The following ZNF750 variants were observed in gnomAD, a reference collection of about 807,000 sequenced individuals.
ZNF750 encodes the protein protein ZNF750.
ZNF750 carries 10 observed loss-of-function variants against 31.6 expected under a neutral mutation model. The observed-to-expected ratio is 0.32, with a 90% CI of 0.19 to 0.54. The LOEUF (loss-of-function observed/expected upper bound fraction) is 0.54. ZNF750 is among the 20% of genes least tolerant of loss of function. The pLI is 0.95. For missense variants in ZNF750, 914 were observed against 934.9 expected (o/e 0.98, Z 0.29); for synonymous variants, 400 against 404.9 (o/e 0.99, Z 0.15).
chr17:82,830,779 C>T lies in ZNF750; in HGVS notation c.1535G>A (p.Gly512Asp), dbSNP rs745890516. 3 of 1,613,610 alleles carry T rather than the reference C, an allele frequency of 1.9e-6. No homozygotes were observed. In the African/African-American group the frequency reaches 4.0e-5, roughly 22 times the overall value. ...PSSPDDSSGM[G>D]PLNLSKKSEI... is the part of the protein sequence containing the mutation. ...TGATTTCTTGGAGAGGTTGAGGGGG[C>T]CCATCCCGGAGCTGTCGTCCGGACT... Residue 512 changes from glycine to aspartate, a missense_variant, in exon 3 of 3, where the codon GGC (glycine) becomes GAC (aspartate). Coordinates refer to ENST00000269394, the MANE Select transcript of ZNF750 (RefSeq NM_024702.3).
Position 82,830,403 on chromosome 17 carries a change from G to C in ZNF750, c.1911C>G (p.Ala637=), listed in dbSNP as rs370365856. The change falls in exon 3 of 3, where the codon GCC becomes GCG. Residue 637 remains alanine (A), a synonymous_variant. Transcript: ENST00000269394. ...SEEQKQTAAV[A]LCQLAAYSPR... The stretch of plus-strand genomic sequence containing the variant: ...GGCTGTAGGCCGCCAGCTGGCACAG[G>C]GCCACGGCTGCCGTCTGCTTCTGCT... 6.2e-7 allele frequency: 1 copy of C among 1,611,778 alleles called. No homozygotes were observed. Among genetic ancestry groups the C allele is most frequent in the Non-Finnish European group, 8.5e-7 (1 of 1,179,946 alleles).
At position 82,832,627 on chromosome 17, in the gene ZNF750, C is replaced by T. The variant is rs149771609; in HGVS notation, c.-173G>A. 9.9e-4 allele frequency: 653 copies of T among 658,664 alleles called. 1 individual carries two copies. The African/African-American group carries it at 0.01, about 10-fold the overall frequency. 40.8% of individuals were successfully genotyped at this position (658,664 alleles called of 1,614,324 possible). A position where few individuals can be genotyped will look rare whatever the true frequency, so the allele number is the denominator to read the frequency against. On this transcript the variant is annotated 5_prime_UTR_variant, in exon 2 of 3. Transcript: ENST00000269394. The surrounding 1 kb of genome is among the most constrained non-coding windows in gnomAD (Gnocchi z 4.9). ...TCTGGCGAGAGCCTCCGTCATCTGGCGGCTGGGAGCTGTAATAAAGAGCAG... is the reference window on the plus strand; with the variant it reads ...TCTGGCGAGAGCCTCCGTCATCTGGTGGCTGGGAGCTGTAATAAAGAGCAG...
In ZNF750 at chr17:82,832,547, G is replaced by A. The variant is rs1050654595; in HGVS notation, c.-93C>T. On this transcript the variant is annotated 5_prime_UTR_variant, in exon 2 of 3. Coordinates refer to ENST00000269394, the MANE Select transcript of ZNF750 (RefSeq NM_024702.3). This position sits in a 1 kb window ranked among gnomAD's most constrained non-coding sequence, Gnocchi z 4.9. ...CGTGGTTTCTAAAGAGGCACCTCCC[G>A]CTTTGCTTTCTTTCCCGATCACTTC... 6 of 1,158,108 alleles carry A rather than the reference G, an allele frequency of 5.2e-6. No homozygotes were observed. The East Asian group carries it at 9.5e-5, about 18-fold the overall frequency. 71.7% of individuals were successfully genotyped at this position (1,158,108 alleles called of 1,614,324 possible).
At chr17:82,830,927 C>T in intron 2 of ZNF750, 50 bp from the exon 3 acceptor site, 1 of 1,613,204 alleles carries the variant, frequency 6.2e-7, no homozygotes. Context: ...AGAAAAGCAA[C>T]TGCGTGAAGC....
chr17:82,832,477 CTG>C lies in ZNF750; in HGVS notation c.-25_-24del. The C allele has an allele frequency of 3.1e-6, 5 of 1,600,066 alleles. No homozygotes were observed. The highest frequency in any genetic ancestry group is 4.3e-6 in the Non-Finnish European group (5 of 1,175,630). The stretch of plus-strand genomic sequence containing the variant: ...CATTTTCCTCCTTATGCCTTGGACT[CTG>C]GCTGTCCAGGTGGCGTGATCACTGT... On this transcript the variant is annotated 5_prime_UTR_variant, in exon 2 of 3. Transcript: ENST00000269394. The surrounding 1 kb of genome is among the most constrained non-coding windows in gnomAD (Gnocchi z 4.9).
intron 1 of ZNF750, among the ~76,000 whole-genome samples, chr17:82,838,196 A>G (rs1306029950): frequency 6.6e-6 from 1 of 152,224 alleles, no homozygotes. Flanking sequence ...TAAATTGCCA[A>G]TATACTGTCT....
At position 82,831,023 on chromosome 17, in the gene ZNF750, C is replaced by T. The variant is rs76229161; in HGVS notation, c.1432G>A (p.Val478Ile). ...TTGAAAATGACATTTTCTTACCTTA[C>T]TGGAGACTCTGCTGTGGTCTCAGCA... Reference protein sequence around the residue: ...QAAETTAESPVSLNVVNGDPP... With the variant: ...QAAETTAESPISLNVVNGDPP... Residue 478 changes from valine to isoleucine, a missense_variant, in exon 2 of 3, where the codon GTA (valine) becomes ATA (isoleucine). Val to Ile is a conservative substitution (Grantham distance 29). Coordinates refer to ENST00000269394, the MANE Select transcript of ZNF750 (RefSeq NM_024702.3). This position sits in a 1 kb window ranked among gnomAD's most constrained non-coding sequence, Gnocchi z 4.6. The T allele has an allele frequency of 5.2e-3, 8,440 of 1,614,118 alleles. 399 individuals carry two copies. The African/African-American group carries it at 0.098, about 19-fold the overall frequency.
Position 82,830,319 on chromosome 17 carries a change from T to C in ZNF750, c.1995A>G (p.Gln665=), listed in dbSNP as rs1200793480. 1.9e-6 allele frequency: 3 copies of C among 1,614,056 alleles called. No homozygotes were observed. The highest frequency in any genetic ancestry group is 1.1e-5 in the South Asian group (1 of 91,092). ...CCATGGAGCTCAGTGTGGGTGTGTC[T>C]TGCCGGCAGGCAGGTTCCGGGGCCG... ...DAAAPEPACR[Q]DTPTLSSMES... Residue 665 remains glutamine (Q), a synonymous_variant, in exon 3 of 3, where the codon CAA becomes CAG. Transcript: ENST00000269394.
rs569573654 is a variant in ZNF750 at position 82,837,906 on chromosome 17, C to T, written c.-183+2021G>A. On this transcript the variant is annotated intron_variant, in intron 1 of 2. Transcript: ENST00000269394. ...TGTAGACAGTGTCTACACTAAAGGG[C>T]GTAAGAACAGTGGGGTGCAGTGGCT... 4.6e-5 allele frequency among the ~76,000 whole-genome samples: 7 copies of T among 152,328 alleles called. No homozygotes were observed. In the South Asian group the frequency reaches 1.2e-3, roughly 27 times the overall value.
At position 82,833,431 on chromosome 17, in the gene ZNF750, C is replaced by T. The variant is rs2145303661; in HGVS notation, c.-182-795G>A. Among the ~76,000 whole-genome samples, 1 of 152,350 alleles carries T rather than the reference C, an allele frequency of 6.6e-6. No homozygotes were observed. ...CATTCGAACACAAGACTCTACCCTA[C>T]TGCTTCTAAAGTCAGCTTTATCATT... is the stretch of plus-strand genomic sequence containing the variant. On this transcript the variant is annotated intron_variant, in intron 1 of 2. Coordinates refer to ENST00000269394, the MANE Select transcript of ZNF750 (RefSeq NM_024702.3). The surrounding 1 kb of genome is among the most constrained non-coding windows in gnomAD (Gnocchi z 4.7).
intron 1 of ZNF750, among the ~76,000 whole-genome samples, chr17:82,837,329 C>T (rs944545785): frequency 5.3e-5 from 8 of 152,086 alleles, no homozygotes; most frequent in Non-Finnish European, 1.0e-4. Context: ...TCTACCAGCC[C>T]GACTTTGTAC....
At position 82,831,276 on chromosome 17, in the gene ZNF750, T is replaced by C. The variant is rs1375704251; in HGVS notation, c.1179A>G (p.Arg393=). ...GGCTCATTTTGGACCCTTCCGTGTCTCTCTGCCCAGCCTTGGAGGAGTCTT... is the reference window on the plus strand; with the variant it reads ...GGCTCATTTTGGACCCTTCCGTGTCCCTCTGCCCAGCCTTGGAGGAGTCTT... ...EAKDSSKAGQ[R]DTEGSKMSPR... The change falls in exon 2 of 3, where the codon AGA becomes AGG. Residue 393 remains arginine, a synonymous_variant. Coordinates refer to ENST00000269394, the MANE Select transcript of ZNF750 (RefSeq NM_024702.3). This position sits in a 1 kb window ranked among gnomAD's most constrained non-coding sequence, Gnocchi z 4.6. The C allele has an allele frequency of 1.2e-6, 2 of 1,613,786 alleles. No individual in the cohort carries two copies. The highest frequency in any genetic ancestry group is 1.7e-6 in the Non-Finnish European group (2 of 1,180,046).
chr17:82,830,918 G>C (rs749324501), intron 2 of ZNF750, 41 bp from the exon 3 acceptor site: 6 of 1,613,076 alleles, frequency 3.7e-6, no homozygotes, highest in Non-Finnish European at 5.1e-6. Context: ...AGCTTGCTTA[G>C]AAAAGCAACT....
rs2053622853 is a variant in ZNF750, at chr17:82,832,687, A to T, written c.-182-51T>A. On this transcript the variant is annotated intron_variant, in intron 1 of 2. Transcript: ENST00000269394. The surrounding 1 kb of genome is among the most constrained non-coding windows in gnomAD (Gnocchi z 4.9). Reference sequence around the variant, plus strand: ...CAGGACAGCGAGTGAGGGGTCGGCGAGAAGCCGGCCTCGGCTCGCCACAGT... The same window carrying T: ...CAGGACAGCGAGTGAGGGGTCGGCGTGAAGCCGGCCTCGGCTCGCCACAGT... The T allele has an allele frequency of 1.7e-6, 1 of 578,240 alleles. No individual in the cohort carries two copies. Among genetic ancestry groups the T allele is most frequent in the Non-Finnish European group, 3.1e-6 (1 of 325,398 alleles). The allele number at this position is 578,240 out of a possible 1,614,324, so 35.8% of individuals were successfully genotyped here.
rs1447122986 is a variant in ZNF750, at chr17:82,835,426, T to C, written c.-182-2790A>G. Among the ~76,000 whole-genome samples, 2 of 152,176 alleles carry C rather than the reference T, an allele frequency of 1.3e-5. No individual in the cohort carries two copies. Among genetic ancestry groups the C allele is most frequent in the African/African-American group, 2.4e-5 (1 of 41,444 alleles). On this transcript the variant is annotated intron_variant, in intron 1 of 2. Coordinates refer to ENST00000269394, the MANE Select transcript of ZNF750 (RefSeq NM_024702.3). The surrounding 1 kb of genome is among the most constrained non-coding windows in gnomAD (Gnocchi z 4.5). The stretch of plus-strand genomic sequence containing the variant: ...CTACTGATTTATTCATATTTCTTTC[T>C]TTCTTTCTTTTTTGAGACGGAGTTT...
At position 82,831,030 on chromosome 17, in the gene ZNF750, C is replaced by T. The variant is rs1288523982; in HGVS notation, c.1425G>A (p.Glu475=). 2 of 1,614,024 alleles carry T rather than the reference C, an allele frequency of 1.2e-6. No individual in the cohort carries two copies. The highest frequency in any genetic ancestry group is 2.2e-5 in the South Asian group (2 of 91,088). ...LPAQAAETTA[E]SPVSLNVVNG... is the part of the protein sequence containing the mutation. ...TGACATTTTCTTACCTTACTGGAGA[C>T]TCTGCTGTGGTCTCAGCAGCCTGGG... The change falls in exon 2 of 3, where the codon GAG becomes GAA. Residue 475 remains glutamate (E), a synonymous_variant. Transcript: ENST00000269394. The surrounding 1 kb of genome is among the most constrained non-coding windows in gnomAD (Gnocchi z 4.6).
Position 82,829,992 on chromosome 17 carries a change from GTTTT to G in ZNF750, c.*146_*149del, listed in dbSNP as rs893095395. On this transcript the variant is annotated 3_prime_UTR_variant, in exon 3 of 3. Coordinates refer to ENST00000269394, the MANE Select transcript of ZNF750 (RefSeq NM_024702.3). ...ATATTTATAAAAACTGAATTGGAGGGTTTTTTGTTTGTTTGTTTGTTTGTTTTTT... is the reference window on the plus strand; with the variant it reads ...ATATTTATAAAAACTGAATTGGAGGGTTGTTTGTTTGTTTGTTTGTTTTTT... 12 of 1,253,146 alleles carry G rather than the reference GTTTT, an allele frequency of 9.6e-6. No homozygotes were observed. Among genetic ancestry groups the G allele is most frequent in the Non-Finnish European group, 1.1e-5 (10 of 917,566 alleles). 77.6% of individuals were successfully genotyped at this position (1,253,146 alleles called of 1,614,324 possible).
In ZNF750 at chr17:82,829,992, GTTTTTTGT is replaced by G. The variant is rs2053328615; in HGVS notation, c.*142_*149del. 3.2e-6 allele frequency: 4 copies of G among 1,253,148 alleles called. No individual in the cohort carries two copies. Among genetic ancestry groups the G allele is most frequent in the South Asian group, 1.4e-5 (1 of 69,250 alleles). 77.6% of individuals were successfully genotyped at this position (1,253,148 alleles called of 1,614,324 possible). ...ATATTTATAAAAACTGAATTGGAGG[GTTTTTTGT>G]TTGTTTGTTTGTTTGTTTTTTTGAG... On this transcript the variant is annotated 3_prime_UTR_variant, in exon 3 of 3. Transcript: ENST00000269394.
In ZNF750 at chr17:82,831,004, A is replaced by G. The variant is rs928379244; in HGVS notation, c.1436+15T>C. The G allele has an allele frequency of 6.2e-7, 1 of 1,613,956 alleles. No individual in the cohort carries two copies. Among genetic ancestry groups the G allele is most frequent in the Non-Finnish European group, 8.5e-7 (1 of 1,180,010 alleles). On this transcript the variant is annotated intron_variant, in intron 2 of 2. Coordinates refer to ENST00000269394, the MANE Select transcript of ZNF750 (RefSeq NM_024702.3). This position sits in a 1 kb window ranked among gnomAD's most constrained non-coding sequence, Gnocchi z 4.6. ...AAACATTCCCTTGGAGGTTTTGAAA[A>G]TGACATTTTCTTACCTTACTGGAGA...
Sources: allele counts gnomAD v4.1 joint callset (sites outside exome capture counted in the v4.1 genomes callset), GRCh38; gene constraint gnomAD v4.1.1; non-coding constraint Gnocchi (gnomAD v3.1); transcripts MANE v1.5; gene names NCBI Gene and HGNC (gene_info 2026-07-23, HGNC 2026-07-21).